Variants in RAB3B observed in about 807,000 individuals in gnomAD.
The protein encoded by RAB3B is RAB3B, member RAS oncogene family, also known as ras-related protein Rab-3B.
RAB3B carries 11 observed loss-of-function variants against 20.5 expected under a neutral mutation model. That is an observed-to-expected ratio of 0.54 (90% CI 0.34 to 0.89). RAB3B has a LOEUF of 0.89. Ranked by LOEUF, RAB3B falls within the 40% of genes least tolerant of loss-of-function variation. The probability of loss-of-function intolerance (pLI) is 0.02; values close to 1 mark genes in which losing one functional copy is unlikely to be tolerated. For missense variants in RAB3B, 225 were observed against 280.9 expected (o/e 0.80, Z 1.42); for synonymous variants, 99 against 106.3 (o/e 0.93, Z 0.42).
intron 1 of RAB3B, among the ~76,000 whole-genome samples, chr1:51,990,298 G>A (rs1422218259): frequency 9.8e-6 from 1 of 101,706 alleles, no homozygotes; most frequent in Non-Finnish European, 1.9e-5. Context: ...CCCAGCCCCA[G>A]CGCCGTCTTT....
intron 1 of RAB3B, among the ~76,000 whole-genome samples, chr1:51,989,103 G>GCGCACACACACACACACACACA (rs377673682): frequency 8.3e-5 from 11 of 132,676 alleles, no homozygotes; most frequent in African/African-American, 2.0e-4. Context: ...CTGTGCGCGC[G>GCGCACACACACACACACACACA]CACACACACA....
intron 2 of RAB3B, among the ~76,000 whole-genome samples, chr1:51,962,405 A>ACC (rs1684796248): frequency 6.6e-6 from 1 of 152,210 alleles, no homozygotes; most frequent in Non-Finnish European, 1.5e-5. Context: ...AGGCATTCAG[A>ACC]ATAAGAATGG....
Position 51,916,471 on chromosome 1 carries a change from A to C in RAB3B, c.*3456T>G, listed in dbSNP as rs1173851491. On this transcript the variant is annotated 3_prime_UTR_variant, in exon 5 of 5. Transcript: ENST00000371655. ...GTACTAGAGTAGGTGAGTGTTAATG[A>C]CCAGAAAAAAATAGTAATTATCCAT... is the stretch of plus-strand genomic sequence containing the variant. 6.6e-6 allele frequency: 1 copy of C among 152,202 alleles called. No homozygotes were observed. The highest frequency in any genetic ancestry group is 1.5e-5 in the Non-Finnish European group (1 of 68,042). The allele number at this position is 152,202 out of a possible 1,614,324, so 9.4% of individuals were successfully genotyped here.
At position 51,919,634 on chromosome 1, in the gene RAB3B, G is replaced by T. The variant is rs983372280; in HGVS notation, c.*293C>A. ...ACTCTCATTTTAAAGGCAGAAAAGA[G>T]ACTGTTCTCTAAGTCCCTGTAGTGA... On this transcript the variant is annotated 3_prime_UTR_variant, in exon 5 of 5. Transcript: ENST00000371655. 1 of 290,242 alleles carries T rather than the reference G, an allele frequency of 3.4e-6. No individual in the cohort carries two copies. The highest frequency in any genetic ancestry group is 6.4e-6 in the Non-Finnish European group (1 of 156,452). 18.0% of individuals were successfully genotyped at this position (290,242 alleles called of 1,614,324 possible).
intron 1 of RAB3B, among the ~76,000 whole-genome samples, chr1:51,978,670 C>A (rs1685042493): frequency 6.6e-6 from 1 of 152,206 alleles, no homozygotes; most frequent in Non-Finnish European, 1.5e-5. Context: ...CACCTGAAAT[C>A]TCCCCTTCTT....
At chr1:51,933,199 C>T (rs1349145891) in intron 4 of RAB3B, 119 bp downstream of exon 4, 8 of 1,100,312 alleles carry the variant, frequency 7.3e-6, no homozygotes, top group South Asian at 1.6e-5. Flanking sequence ...CACATAGGTA[C>T]ATAATTCACA....
intron 4 of RAB3B, 112 bp from the exon 5 acceptor site, chr1:51,920,226 G>A: frequency 1.1e-6 from 1 of 936,336 alleles, no homozygotes; most frequent in Non-Finnish European, 1.5e-6. Flanking sequence ...CAGCAGTGAA[G>A]CAAAGAGGCT....
chr1:51,978,345 T>C (rs1411571190), intron 1 of RAB3B, among the ~76,000 whole-genome samples: 1 of 152,246 alleles, frequency 6.6e-6, no homozygotes, highest in Non-Finnish European at 1.5e-5. Context: ...CTCACAGGGC[T>C]ATCACAGGAC....
In RAB3B at chr1:51,908,389, C is replaced by A. The variant is rs1683949154; in HGVS notation, c.*11538G>T. 1 of 152,042 alleles carries A rather than the reference C, an allele frequency of 6.6e-6. No homozygotes were observed. The allele number at this position is 152,042 out of a possible 1,614,324, so 9.4% of individuals were successfully genotyped here. On this transcript the variant is annotated 3_prime_UTR_variant, in exon 5 of 5. Coordinates refer to ENST00000371655, the MANE Select transcript of RAB3B (RefSeq NM_002867.4). ...TACATCTCCTAGGTTGGCATGAGACCAGCCTGGTCCCCAGTTGAATAAATT... is the reference window on the plus strand; with the variant it reads ...TACATCTCCTAGGTTGGCATGAGACAAGCCTGGTCCCCAGTTGAATAAATT...
chr1:51,947,138 G>C (rs1312517190), intron 2 of RAB3B, among the ~76,000 whole-genome samples: 1 of 152,196 alleles, frequency 6.6e-6, no homozygotes, highest in Non-Finnish European at 1.5e-5. Flanking sequence ...GCTCATGCCA[G>C]TAATCCCAGC....
At chr1:51,980,452 T>A in intron 1 of RAB3B, 6 of 528,686 alleles carry the variant, frequency 1.1e-5, no homozygotes, top group East Asian at 3.7e-5. Flanking sequence ...AAACCTCCTC[T>A]CTCCAGTCCA....
intron 1 of RAB3B, among the ~76,000 whole-genome samples, chr1:51,978,859 G>A (rs1207698983): frequency 6.6e-6 from 1 of 152,240 alleles, no homozygotes; most frequent in East Asian, 1.9e-4. Flanking sequence ...CAGATGAGCT[G>A]TAAGGATAAG....
intron 2 of RAB3B, among the ~76,000 whole-genome samples, chr1:51,948,727 T>C (rs1312311503): frequency 7.9e-5 from 12 of 152,188 alleles, no homozygotes; most frequent in Admixed American, 7.9e-4. Flanking sequence ...ATTATATGCT[T>C]TCCTGGCACC....
intron 2 of RAB3B, among the ~76,000 whole-genome samples, chr1:51,965,539 C>T (rs761443297): frequency 1.5e-4 from 22 of 151,278 alleles, no homozygotes; most frequent in Non-Finnish European, 2.5e-4. Context: ...CCCAGCTACT[C>T]GGGAGGCTGA....
chr1:51,926,119 A>G (rs1684240796), intron 4 of RAB3B, among the ~76,000 whole-genome samples: 1 of 152,220 alleles, frequency 6.6e-6, no homozygotes, highest in Non-Finnish European at 1.5e-5. Flanking sequence ...AAACCCTCAG[A>G]AGGGGTTGCA....
chr1:51,980,923 TTTG>T (rs1436774450), intron 1 of RAB3B: 3 of 446,290 alleles, frequency 6.7e-6, no homozygotes, highest in Admixed American at 3.8e-5. Context: ...CTATGTTTTA[TTTG>T]TTAATTTAAA....
intron 4 of RAB3B, among the ~76,000 whole-genome samples, chr1:51,931,657 C>A (rs932409851): frequency 1.3e-5 from 2 of 152,060 alleles, no homozygotes; most frequent in African/African-American, 4.8e-5. Context: ...GGGAGACAGA[C>A]AAGTAAATGA....
intron 1 of RAB3B, among the ~76,000 whole-genome samples, chr1:51,984,980 G>A (rs1685133792): frequency 6.6e-6 from 1 of 152,192 alleles, no homozygotes; most frequent in African/African-American, 2.4e-5. Context: ...GTACCCTGCA[G>A]TGTTATGAAA....
intron 2 of RAB3B, among the ~76,000 whole-genome samples, chr1:51,967,458 C>T (rs1684868410): frequency 6.6e-6 from 1 of 150,636 alleles, no homozygotes; most frequent in Non-Finnish European, 1.5e-5. Context: ...TTACCTGCTT[C>T]AGAGTCTTAA....
Sources: allele counts gnomAD v4.1 joint callset (sites outside exome capture counted in the v4.1 genomes callset), GRCh38; gene constraint gnomAD v4.1.1; transcripts MANE v1.5; gene names NCBI Gene and HGNC (gene_info 2026-07-23, HGNC 2026-07-21).